The following CDC73 variants were observed in gnomAD, a reference collection of about 807,000 sequenced individuals.
CDC73 encodes the protein cell division cycle 73.
Under a neutral mutation model 83.7 loss-of-function variants are expected in CDC73, and 21 were observed. The observed-to-expected ratio is 0.25, with a 90% CI of 0.18 to 0.36. The LOEUF is 0.36. CDC73 is among the 10% of genes least tolerant of loss of function. The pLI, the probability that CDC73 is intolerant of heterozygous loss-of-function variation, is 1.00. For synonymous variants in CDC73, 224 were observed against 212.9 expected (o/e 1.05, Z -0.45); for missense variants, 342 against 653.3 (o/e 0.52, Z 5.19).
At chr1:193,245,503 A>G (rs1677938687) in intron 15 of CDC73, among the ~76,000 whole-genome samples, 1 of 152,022 alleles carries the variant, frequency 6.6e-6, no homozygotes. Context: ...TGTATGCCAC[A>G]TTTTCTTTAT....
At chr1:193,138,387 G>A (rs1051511767) in intron 6 of CDC73, among the ~76,000 whole-genome samples, 5 of 152,074 alleles carry the variant, frequency 3.3e-5, no homozygotes, top group African/African-American at 1.2e-4. Context: ...TACCATGTTG[G>A]TCTTTCTTTT....
At chr1:193,128,655 T>C (rs142916644) in intron 2 of CDC73, among the ~76,000 whole-genome samples, 2 of 152,314 alleles carry the variant, frequency 1.3e-5, no homozygotes, top group South Asian at 2.1e-4. Context: ...ACTCAAATTT[T>C]TAAACTCATA....
At chr1:193,244,677 C>G (rs192910986) in intron 15 of CDC73, among the ~76,000 whole-genome samples, 1 of 152,268 alleles carries the variant, frequency 6.6e-6, no homozygotes. Context: ...TCAGCTGTTC[C>G]TTCTGCCTAA....
chr1:193,157,431 G>A (rs1400781239), intron 10 of CDC73, among the ~76,000 whole-genome samples: 1 of 152,006 alleles, frequency 6.6e-6, no homozygotes, highest in Admixed American at 6.6e-5. Context: ...GTTTTATTAG[G>A]CATCCATTAT....
chr1:193,122,359 G>A, intron 1 of CDC73, 28 bp downstream of exon 1: 1 of 1,613,814 alleles, frequency 6.2e-7, no homozygotes, highest in South Asian at 1.1e-5. Context: ...GTGGCCCAGG[G>A]GTGGCAGGGC....
chr1:193,208,643 C>G (rs1035045165), intron 11 of CDC73, among the ~76,000 whole-genome samples: 3 of 152,126 alleles, frequency 2.0e-5, no homozygotes, highest in Admixed American at 1.3e-4. Flanking sequence ...TTTTCACTTT[C>G]TGGCTTAATA....
At position 193,254,370 on chromosome 1, in the gene CDC73, C is replaced by T. The variant is rs1234950189; in HGVS notation, c.*3658C>T. Among the ~76,000 whole-genome samples, 1 of 152,044 alleles carries T rather than the reference C, an allele frequency of 6.6e-6. No individual in the cohort carries two copies. On this transcript the variant is annotated 3_prime_UTR_variant, in exon 17 of 17. Coordinates refer to ENST00000367435, the MANE Select transcript of CDC73 (RefSeq NM_024529.5). Reference sequence around the variant, plus strand: ...TTACATTAGCCTTAATATTACTTGACTGAATTTCTACTATTTATTCACTTG... The same window carrying T: ...TTACATTAGCCTTAATATTACTTGATTGAATTTCTACTATTTATTCACTTG...
chr1:193,146,046 G>T (rs1675994845), intron 7 of CDC73, among the ~76,000 whole-genome samples: 1 of 152,164 alleles, frequency 6.6e-6, no homozygotes. Flanking sequence ...AGTGAGGGAG[G>T]TGAGAGGGGT....
At chr1:193,244,954 A>G (rs988629517) in intron 15 of CDC73, among the ~76,000 whole-genome samples, 46 of 152,220 alleles carry the variant, frequency 3.0e-4, no homozygotes, top group African/African-American at 1.1e-3. Context: ...ACAATAATGC[A>G]TAATGTGTAG....
chr1:193,209,284 G>A (rs1360486256), intron 11 of CDC73, among the ~76,000 whole-genome samples: 4 of 152,216 alleles, frequency 2.6e-5, no homozygotes, highest in African/African-American at 7.2e-5. Context: ...AGTAGTAGAA[G>A]TGGCAGCAGT....
chr1:193,139,507 C>A (rs758092858), intron 6 of CDC73, among the ~76,000 whole-genome samples: 1 of 152,106 alleles, frequency 6.6e-6, no homozygotes, highest in African/African-American at 2.4e-5. Context: ...AAATATAGAA[C>A]GTAGTTCTTG....
intron 10 of CDC73, among the ~76,000 whole-genome samples, chr1:193,152,691 A>G (rs942374983): frequency 2.0e-5 from 3 of 152,312 alleles, no homozygotes; most frequent in African/African-American, 7.2e-5. Flanking sequence ...AAGTAGGGCA[A>G]TGCCACCTGG....
intron 13 of CDC73, among the ~76,000 whole-genome samples, chr1:193,217,230 T>C (rs534648180): frequency 6.6e-6 from 1 of 152,242 alleles, no homozygotes; most frequent in East Asian, 1.9e-4. Context: ...GGTGAATGTT[T>C]ACAGCTGAAG....
chr1:193,192,140 G>A (rs559998643), intron 10 of CDC73, among the ~76,000 whole-genome samples: 30 of 152,150 alleles, frequency 2.0e-4, no homozygotes, highest in African/African-American at 6.7e-4. Context: ...TAGTAGATAC[G>A]AATAGAAAGC....
chr1:193,218,380 C>T (rs1677405955), intron 13 of CDC73, among the ~76,000 whole-genome samples: 1 of 152,174 alleles, frequency 6.6e-6, no homozygotes, highest in African/African-American at 2.4e-5. Flanking sequence ...TAGCAAACTA[C>T]CAGATTTCAT....
intron 8 of CDC73, among the ~76,000 whole-genome samples, chr1:193,149,716 A>G (rs1293733550): frequency 6.6e-6 from 1 of 152,214 alleles, no homozygotes; most frequent in African/African-American, 2.4e-5. Flanking sequence ...TTCAGTCTTC[A>G]TGAATTTTCC....
rs1328380226 is a variant in CDC73, at chr1:193,249,719, C to T, written c.1418-11C>T. On this transcript the variant is annotated splice_polypyrimidine_tract_variant and intron_variant, in intron 15 of 16. Transcript: ENST00000367435. ...AGTAAAAATGATAACTTCTCTCCAC[C>T]CTCTCTATAGTTAAAGCCTTCCATC... is the stretch of plus-strand genomic sequence containing the variant. 1 of 1,600,632 alleles carries T rather than the reference C, an allele frequency of 6.2e-7. No individual in the cohort carries two copies. The highest frequency in any genetic ancestry group is 1.7e-5 in the Admixed American group (1 of 59,760).
rs1678046097 is a variant in CDC73 at position 193,251,706 on chromosome 1, G to A, written c.*994G>A. On this transcript the variant is annotated 3_prime_UTR_variant, in exon 17 of 17. Coordinates refer to ENST00000367435, the MANE Select transcript of CDC73 (RefSeq NM_024529.5). ...AAGAGAAAAACACTGGTATTTTTATGTCTGTATTCAATATGGTATAAAATA... is the reference window on the plus strand; with the variant it reads ...AAGAGAAAAACACTGGTATTTTTATATCTGTATTCAATATGGTATAAAATA... 1 of 232,024 alleles carries A rather than the reference G, an allele frequency of 4.3e-6. No individual in the cohort carries two copies. Among genetic ancestry groups the A allele is most frequent in the Non-Finnish European group, 8.5e-6 (1 of 116,990 alleles). 14.4% of individuals were successfully genotyped at this position (232,024 alleles called of 1,614,324 possible).
intron 10 of CDC73, among the ~76,000 whole-genome samples, chr1:193,162,951 G>A (rs1676364774): frequency 6.6e-6 from 1 of 152,018 alleles, no homozygotes; most frequent in African/African-American, 2.4e-5. Context: ...ATTCTTACTT[G>A]TGTTCTATAG....
Sources: gnomAD v4.1 joint callset for allele counts (sites outside exome capture counted in the v4.1 genomes callset) on GRCh38, gnomAD v4.1.1 for gene constraint, MANE v1.5 for transcripts, NCBI Gene and HGNC (gene_info 2026-07-23, HGNC 2026-07-21) for gene names.